Variants in NPIPB11 observed in about 807,000 individuals in gnomAD.
NPIPB11 encodes the protein nuclear pore complex-interacting protein family member B11.
A neutral mutation model predicts 32.8 loss-of-function variants in NPIPB11; 17 were observed. That is an observed-to-expected ratio of 0.52 (90% CI 0.35 to 0.78). The LOEUF is 0.78. NPIPB11 is among the 30% of genes least tolerant of loss of function. The pLI is 0.01. For synonymous variants in NPIPB11, 209 were observed against 398.4 expected (o/e 0.52, Z 5.66); for missense variants, 537 against 1,000.4 (o/e 0.54, Z 6.25).
intron 5 of NPIPB11, among the ~76,000 whole-genome samples, chr16:29,389,216 T>C (rs1034733755): frequency 5.4e-5 from 5 of 91,936 alleles, no homozygotes; most frequent in Non-Finnish European, 9.7e-5. Flanking sequence ...AAAAAAAAAA[T>C]TGGTCAAATG....
chr16:29,382,279 G>C lies in NPIPB11; in HGVS notation c.2653C>G (p.Leu885Val), dbSNP rs761484209. 3 of 1,603,520 alleles carry C rather than the reference G, an allele frequency of 1.9e-6. 1 individual carries two copies. In the African/African-American group the frequency reaches 4.1e-5, roughly 22 times the overall value. Reference sequence around the variant, plus strand: ...GCTGAGGGTGGAAGCGGAACCCACAGACGCTCCCCGCAGACGCTCGGCAGG... The same window carrying C: ...GCTGAGGGTGGAAGCGGAACCCACACACGCTCCCCGCAGACGCTCGGCAGG... Residue 885 changes from leucine (L) to valine (V), a missense_variant, in exon 8 of 8, where the codon CTG becomes GTG. Coordinates refer to ENST00000524087, the Ensembl canonical transcript of NPIPB11.
chr16:29,406,099 A>G (rs1013398445), upstream of NPIPB11, among the ~76,000 whole-genome samples: 9 of 152,270 alleles, frequency 5.9e-5, no homozygotes, highest in Non-Finnish European at 1.2e-4. Flanking sequence ...CAAAATCCTA[A>G]ATCAAGTCTT....
intron 2 of NPIPB11, among the ~76,000 whole-genome samples, chr16:29,395,557 T>G (rs1963831952): frequency 7.9e-6 from 1 of 126,526 alleles, no homozygotes; most frequent in Non-Finnish European, 1.6e-5. Flanking sequence ...AGAATCCCTC[T>G]AAATAATACT....
At chr16:29,396,010 C>T (rs1963844904) in intron 2 of NPIPB11, among the ~76,000 whole-genome samples, 1 of 149,474 alleles carries the variant, frequency 6.7e-6, no homozygotes, top group African/African-American at 2.5e-5. Context: ...AGGTGGAGAT[C>T]ATGAAAATGG....
chr16:29,393,505 C>T (rs2142128877), intron 3 of NPIPB11, among the ~76,000 whole-genome samples: 1 of 152,104 alleles, frequency 6.6e-6, no homozygotes, highest in Middle Eastern at 3.4e-3. Context: ...CAGCTGGTTC[C>T]CATGTTTATG....
intron 3 of NPIPB11, among the ~76,000 whole-genome samples, chr16:29,391,009 C>T (rs1351223040): frequency 6.6e-6 from 1 of 151,064 alleles, no homozygotes; most frequent in Non-Finnish European, 1.5e-5. Context: ...TAGCTCATGC[C>T]TGTAATCCCA....
chr16:29,390,958 TC>T (rs1281588460), intron 3 of NPIPB11, among the ~76,000 whole-genome samples: 2 of 88,060 alleles, frequency 2.3e-5, no homozygotes, highest in Non-Finnish European at 4.1e-5. Flanking sequence ...ATTGAAACTG[TC>T]TCAAAAAAAA....
intron 2 of NPIPB11, among the ~76,000 whole-genome samples, chr16:29,403,102 G>C (rs1964036754): frequency 7.2e-6 from 1 of 138,442 alleles, no homozygotes; most frequent in African/African-American, 2.7e-5. Flanking sequence ...TTTTTTGACA[G>C]AGTCTCGCTC....
At chr16:29,405,234 T>C (rs1964087788), upstream of NPIPB11, among the ~76,000 whole-genome samples, 1 of 151,772 alleles carries the variant, frequency 6.6e-6, no homozygotes, top group Admixed American at 6.6e-5. Context: ...GCAAGAAAAA[T>C]CGATATTGTA....
At chr16:29,397,261 C>T (rs1963879667) in intron 2 of NPIPB11, among the ~76,000 whole-genome samples, 1 of 151,852 alleles carries the variant, frequency 6.6e-6, no homozygotes. Flanking sequence ...GACAAGAGTG[C>T]AGCGGGGCCA....
chr16:29,394,369 C>A lies in NPIPB11; in HGVS notation c.121-293G>T, dbSNP rs527964816. Among the ~76,000 whole-genome samples the A allele has an allele frequency of 1.6e-4, 24 of 150,728 alleles. No individual in the cohort carries two copies. The South Asian group carries it at 2.5e-3, about 16-fold the overall frequency. ...CCTATATTAAAAGAAGCAAAGTTGT[C>A]TTGAGCCACACATAACATACACAAA... On this transcript the variant is annotated intron_variant, in intron 2 of 7. Coordinates refer to ENST00000524087, the Ensembl canonical transcript of NPIPB11.
intron 5 of NPIPB11, among the ~76,000 whole-genome samples, chr16:29,389,291 G>A (rs1475692466): frequency 6.7e-6 from 1 of 149,362 alleles, no homozygotes; most frequent in Non-Finnish European, 1.5e-5. Flanking sequence ...CAAACTGGGA[G>A]GCAGAGGTTG....
At chr16:29,394,389 C>A (rs1159603682) in intron 2 of NPIPB11, among the ~76,000 whole-genome samples, 1 of 149,412 alleles carries the variant, frequency 6.7e-6, no homozygotes, top group African/African-American at 2.5e-5. Context: ...ACATAACATA[C>A]ACAAACACTA....
chr16:29,390,440 G>T (rs1963689591), intron 3 of NPIPB11, 92 bp from the exon 4 acceptor site: 1 of 1,586,100 alleles, frequency 6.3e-7, no homozygotes. Context: ...GTGGATCACG[G>T]GGTCAGGAGC....
At chr16:29,405,994 C>T (rs1391689683), upstream of NPIPB11, among the ~76,000 whole-genome samples, 1 of 152,246 alleles carries the variant, frequency 6.6e-6, no homozygotes, top group Admixed American at 6.5e-5. Context: ...CTTTGGAAGT[C>T]TCTGGTTAAA....
intron 3 of NPIPB11, 125 bp from the exon 4 acceptor site, chr16:29,390,473 T>G: frequency 6.9e-7 from 1 of 1,443,066 alleles, no homozygotes. Flanking sequence ...GCCAAGATGG[T>G]GAAACCCCAT....
chr16:29,389,611 G>C (rs1963659813), intron 5 of NPIPB11, among the ~76,000 whole-genome samples: 1 of 133,124 alleles, frequency 7.5e-6, no homozygotes, highest in East Asian at 2.5e-4. Context: ...AAGGCAGTGA[G>C]CTGAGATTGT....
chr16:29,394,108 G>A (rs1445752111), intron 2 of NPIPB11, 32 bp from the exon 3 acceptor site: 8 of 1,591,068 alleles, frequency 5.0e-6, no homozygotes, highest in Non-Finnish European at 6.8e-6. Flanking sequence ...TAATGAAAAG[G>A]TCAATGACAC....
upstream of NPIPB11, among the ~76,000 whole-genome samples, chr16:29,406,505 G>T (rs1351152053): frequency 1.3e-5 from 2 of 152,190 alleles, no homozygotes; most frequent in Non-Finnish European, 2.9e-5. Flanking sequence ...ATCACCTGAG[G>T]TCGGGAGTTC....
Sources: gnomAD v4.1 joint callset for allele counts (sites outside exome capture counted in the v4.1 genomes callset) on GRCh38, gnomAD v4.1.1 for gene constraint, MANE v1.5 for transcripts, NCBI Gene and HGNC (gene_info 2026-07-23, HGNC 2026-07-21) for gene names.